PCDHA5: variants seen among roughly 807,000 people sequenced by gnomAD.
PCDHA5 encodes protocadherin alpha 5.
In PCDHA5, 43 loss-of-function variants were observed where a neutral mutation model predicts 61.6. That is an observed-to-expected ratio of 0.70 (90% confidence interval 0.55 to 0.90). The LOEUF is 0.90. Among genes scored for constraint, PCDHA5 ranks in the 40% least tolerant of loss-of-function variants. The pLI, the probability that PCDHA5 is intolerant of heterozygous loss-of-function variation, is 0.00. For synonymous variants in PCDHA5, 627 were observed against 543.9 expected (o/e 1.15, Z -2.13); for missense variants, 1,298 against 1,222.7 (o/e 1.06, Z -0.92).
At chr5:140,884,143 G>T in intron 1 of PCDHA5, 1 of 1,613,438 alleles carries the variant, frequency 6.2e-7, no homozygotes. Flanking sequence ...TCCGCGTGGG[G>T]CTGTACACTG....
chr5:140,835,640 C>T (rs2150240382), intron 1 of PCDHA5: 4 of 1,613,770 alleles, frequency 2.5e-6, no homozygotes, highest in Admixed American at 3.3e-5. Flanking sequence ...AGAGTGTGTC[C>T]GCCTATGAGC....
chr5:140,949,260 T>C (rs1292112980), intron 1 of PCDHA5, among the ~76,000 whole-genome samples: 1 of 151,804 alleles, frequency 6.6e-6, no homozygotes, highest in Non-Finnish European at 1.5e-5. Flanking sequence ...GATGAACATA[T>C]CACGTGCACT....
intron 1 of PCDHA5, among the ~76,000 whole-genome samples, chr5:140,833,369 A>T (rs2150207984): frequency 2.0e-5 from 3 of 152,192 alleles, no homozygotes; most frequent in Admixed American, 1.3e-4. Context: ...AGTAAGGTAG[A>T]TCCAAAAAGG....
chr5:140,909,376 A>C (rs934172847), intron 1 of PCDHA5, among the ~76,000 whole-genome samples: 3 of 152,208 alleles, frequency 2.0e-5, no homozygotes, highest in Non-Finnish European at 4.4e-5. Context: ...AAGCAATGAA[A>C]CCACATCTAG....
At chr5:140,922,385 C>A (rs1267053151) in intron 1 of PCDHA5, among the ~76,000 whole-genome samples, 5 of 152,156 alleles carry the variant, frequency 3.3e-5, no homozygotes, top group Non-Finnish European at 7.4e-5. Context: ...AAACCAAAGA[C>A]TCCTTGTTTT....
Position 140,842,831 on chromosome 5 carries a change from C to T in PCDHA5, c.2352+18704C>T, listed in dbSNP as rs2150345753. On this transcript the variant is annotated intron_variant, in intron 1 of 3. Transcript: ENST00000529859. ...GGAGCGGCGGGTGGGCGAGCGCTCG[C>T]TGTCGAGCTACATTTCGGTGCACAC... The T allele has an allele frequency of 5.5e-5, 88 of 1,593,856 alleles. 9 individuals are homozygous for T. The highest frequency in any genetic ancestry group is 1.7e-4 in the Admixed American group (10 of 59,288).
intron 3 of PCDHA5, among the ~76,000 whole-genome samples, chr5:141,007,302 G>A (rs1211833053): frequency 6.7e-6 from 1 of 150,298 alleles, no homozygotes; most frequent in Non-Finnish European, 1.5e-5. Context: ...TGTAATCTTA[G>A]CATTTTGGGA....
chr5:140,881,453 C>T (rs554262236), intron 1 of PCDHA5: 48 of 714,052 alleles, frequency 6.7e-5, no homozygotes, highest in Admixed American at 6.2e-5. Context: ...GAATCCAAAA[C>T]CTTAGAGCAT....
intron 1 of PCDHA5, chr5:140,882,822 G>A (rs782258212): frequency 6.2e-7 from 1 of 1,614,080 alleles, no homozygotes; most frequent in African/African-American, 1.3e-5. Flanking sequence ...GCACAAAACA[G>A]TCTTGAGCAA....
intron 1 of PCDHA5, chr5:140,847,464 C>A (rs2150400845): frequency 6.7e-6 from 1 of 149,754 alleles, no homozygotes; most frequent in Non-Finnish European, 1.5e-5. Context: ...AATTAATCGA[C>A]TTGGACGTTG....
chr5:140,986,634 A>C (rs1587175680), intron 3 of PCDHA5, among the ~76,000 whole-genome samples: 3 of 152,202 alleles, frequency 2.0e-5, no homozygotes, highest in South Asian at 2.1e-4. Flanking sequence ...GCAACAGTAC[A>C]TTAGTTTTAG....
At chr5:140,880,972 A>G (rs574204364) in intron 1 of PCDHA5, among the ~76,000 whole-genome samples, 94 of 152,374 alleles carry the variant, frequency 6.2e-4, no homozygotes, top group Non-Finnish European at 8.5e-4. Flanking sequence ...AGAGAATACC[A>G]AATACTCTGC....
chr5:140,856,181 G>T lies in PCDHA5; in HGVS notation c.2352+32054G>T, dbSNP rs781803033. 1.1e-5 allele frequency: 18 copies of T among 1,598,112 alleles called. 2 individuals are homozygous for T. Among genetic ancestry groups the T allele is most frequent in the Middle Eastern group, 3.4e-4 (2 of 5,944 alleles). On this transcript the variant is annotated intron_variant, in intron 1 of 3. Coordinates refer to ENST00000529859, the MANE Select transcript of PCDHA5 (RefSeq NM_018908.3). Reference sequence around the variant, plus strand: ...GGAGGCCAGACACGGCACCTTCGTGGGCCGCATCGCGCAGGACCTGGGGCT... The same window carrying T: ...GGAGGCCAGACACGGCACCTTCGTGTGCCGCATCGCGCAGGACCTGGGGCT...
At chr5:140,867,383 G>T in intron 1 of PCDHA5, 1 of 152,136 alleles carries the variant, frequency 6.6e-6, no homozygotes, top group East Asian at 1.9e-4. Flanking sequence ...TGGAATTAAC[G>T]GTTATAAAAG....
intron 1 of PCDHA5, chr5:140,850,431 C>G: frequency 6.3e-7 from 1 of 1,597,912 alleles, no homozygotes; most frequent in Non-Finnish European, 8.6e-7. Flanking sequence ...ACCGCGCCAG[C>G]GCCTACTGGT....
intron 3 of PCDHA5, among the ~76,000 whole-genome samples, chr5:140,993,514 A>T (rs1239398977): frequency 6.6e-6 from 1 of 150,498 alleles, no homozygotes; most frequent in East Asian, 1.9e-4. Flanking sequence ...ACACACGGGG[A>T]GAGAGAGACA....
chr5:140,928,411 A>G, intron 1 of PCDHA5: 2 of 1,614,066 alleles, frequency 1.2e-6, no homozygotes, highest in Non-Finnish European at 1.7e-6. Context: ...CAGTGGGGCC[A>G]TCACTGCCAA....
chr5:141,004,982 A>G (rs1445212778), intron 3 of PCDHA5, among the ~76,000 whole-genome samples: 2 of 152,234 alleles, frequency 1.3e-5, no homozygotes, highest in African/African-American at 2.4e-5. Flanking sequence ...TTGCAGTATC[A>G]TTATCTTGGT....
intron 1 of PCDHA5, chr5:140,841,953 T>A: frequency 6.2e-7 from 1 of 1,613,834 alleles, no homozygotes; most frequent in Non-Finnish European, 8.5e-7. Flanking sequence ...CACCACTTAT[T>A]CCTGACAGCC....
Sources: gnomAD v4.1 joint callset for allele counts (sites outside exome capture counted in the v4.1 genomes callset) on GRCh38, gnomAD v4.1.1 for gene constraint, MANE v1.5 for transcripts, NCBI Gene and HGNC (gene_info 2026-07-23, HGNC 2026-07-21) for gene names.